The following MGAM variants were observed in gnomAD, a reference collection of about 807,000 sequenced individuals.
The protein encoded by MGAM is alpha-1,4-glucosidase.
A neutral mutation model predicts 358.8 loss-of-function variants in MGAM; 253 were observed. The observed-to-expected ratio is 0.71, with a 90% CI of 0.64 to 0.78. The LOEUF is 0.78. MGAM is among the 30% of genes least tolerant of loss of function. The probability of loss-of-function intolerance (pLI) is 0.00; values close to 1 mark genes in which losing one functional copy is unlikely to be tolerated. For synonymous variants in MGAM, 1,105 were observed against 1,227.1 expected (o/e 0.90, Z 2.08); for missense variants, 3,080 against 3,432.6 (o/e 0.90, Z 2.57).
chr7:142,060,236 A>T (rs1194825531), intron 33 of MGAM, 75 bp from the exon 34 acceptor site: 4 of 1,571,424 alleles, frequency 2.5e-6, no homozygotes, highest in Admixed American at 3.4e-5. Flanking sequence ...CACGGTTTGT[A>T]TAACAATTTA....
At chr7:141,994,751 T>C (rs912820209), upstream of MGAM, among the ~76,000 whole-genome samples, 2 of 152,182 alleles carry the variant, frequency 1.3e-5, no homozygotes, top group African/African-American at 4.8e-5. Context: ...TGAGATCTGA[T>C]GGTTTTGCAA....
chr7:141,990,115 C>T (rs1395804412), intron 2 of MGAM, among the ~76,000 whole-genome samples: 2 of 152,180 alleles, frequency 1.3e-5, no homozygotes, highest in South Asian at 4.1e-4. Flanking sequence ...GCTAGCACTC[C>T]TCTGAGCACT....
At chr7:142,105,260 C>T (rs1816746640) in intron 70 of MGAM, among the ~76,000 whole-genome samples, 1 of 151,816 alleles carries the variant, frequency 6.6e-6, no homozygotes, top group Non-Finnish European at 1.5e-5. Flanking sequence ...CCAGTTTGTG[C>T]AGTTGTTTCT....
At chr7:142,089,770 C>G (rs563387118) in intron 57 of MGAM, among the ~76,000 whole-genome samples, 7 of 145,352 alleles carry the variant, frequency 4.8e-5, no homozygotes, top group Admixed American at 4.2e-4. Flanking sequence ...CTGGGTGACA[C>G]AGCGAGACTC....
At chr7:142,009,152 A>C (rs982850426) in intron 3 of MGAM, among the ~76,000 whole-genome samples, 9 of 152,160 alleles carry the variant, frequency 5.9e-5, no homozygotes, top group Non-Finnish European at 1.2e-4. Context: ...ATCTGCAGTA[A>C]AAATTCACAA....
At chr7:141,991,174 A>T (rs569034550), upstream of MGAM, among the ~76,000 whole-genome samples, 1 of 152,344 alleles carries the variant, frequency 6.6e-6, no homozygotes, top group South Asian at 2.1e-4. Context: ...ACCAGGAGGA[A>T]GTGAAATAAT....
Position 142,078,410 on chromosome 7 carries a change from T to G in MGAM, c.5586T>G (p.Cys1862Trp), listed in dbSNP as rs1813930721. The G allele has an allele frequency of 6.5e-7, 1 of 1,539,284 alleles. No individual in the cohort carries two copies. The highest frequency in any genetic ancestry group is 1.3e-5 in the African/African-American group (1 of 74,354). ...IKIRDEEKIDCYPDENGDSAE... is the reference protein window; with the variant it reads ...IKIRDEEKIDWYPDENGDSAE... ...TAAGGGATGAAGAAAAAATAGACTG[T>G]TACCCTGATGAGAATGGTGATTCTG... The change falls in exon 48 of 71, where the codon TGT (cysteine) becomes TGG (tryptophan). Residue 1862 changes from cysteine to tryptophan, a missense_variant. By Grantham distance (215) the Cys-to-Trp change is radical (BLOSUM62 -2). Around this residue, in one of 5 missense-constraint regions of MGAM, gnomAD observed 932 missense variants for 1,198.2 expected, o/e 0.78. Coordinates refer to ENST00000475668, the MANE Select transcript of MGAM (RefSeq NM_001365693.1).
At position 142,073,868 on chromosome 7, in the gene MGAM, G is replaced by T. The variant is rs550405819; in HGVS notation, c.5187-217G>T. ...TGGTGCTTAAATTCTTGCCTCCAAC[G>T]TAGATGTTATTGTTAATGTTTGGGG... is the stretch of plus-strand genomic sequence containing the variant. On this transcript the variant is annotated intron_variant, in intron 44 of 70. Coordinates refer to ENST00000475668, the MANE Select transcript of MGAM (RefSeq NM_001365693.1). Among the ~76,000 whole-genome samples, 3 of 146,140 alleles carry T rather than the reference G, an allele frequency of 2.1e-5. 1 individual carries two copies. The highest frequency in any genetic ancestry group is 4.6e-5 in the Non-Finnish European group (3 of 64,548).
In MGAM at chr7:142,060,294, C is replaced by T. The variant is rs200931630; in HGVS notation, c.4060-17C>T. Reference sequence around the variant, plus strand: ...AATTGTCTAGTGCATCGCTACTGAACGTATTTCTCTCCATAGGTCTGGCCT... The same window carrying T: ...AATTGTCTAGTGCATCGCTACTGAATGTATTTCTCTCCATAGGTCTGGCCT... On this transcript the variant is annotated splice_polypyrimidine_tract_variant and intron_variant, in intron 33 of 70. Transcript: ENST00000475668. 1.1e-4 allele frequency: 176 copies of T among 1,613,050 alleles called. No homozygotes were observed. The highest frequency in any genetic ancestry group is 1.2e-4 in the Non-Finnish European group (147 of 1,179,008).
At chr7:141,990,763 G>A (rs116083473) in intron 2 of MGAM, among the ~76,000 whole-genome samples, 3,481 of 152,120 alleles carry the variant, frequency 0.023, 140 homozygotes, top group African/African-American at 0.08. Context: ...CATGTGCCAT[G>A]CTGGTGCGCT....
chr7:142,103,429 C>G lies in MGAM; in HGVS notation c.8174C>G (p.Pro2725Arg), dbSNP rs189060335. 6.2e-7 allele frequency: 1 copy of G among 1,603,746 alleles called. No individual in the cohort carries two copies. Among genetic ancestry groups the G allele is most frequent in the Admixed American group, 1.7e-5 (1 of 57,810 alleles). Residue 2725 changes from proline (P) to arginine (R), a missense_variant, in exon 70 of 71, where the codon CCC (proline) becomes CGC (arginine). Around this residue, in one of 5 missense-constraint regions of MGAM, gnomAD observed 194 missense variants for 172.8 expected, o/e 1.12. Coordinates refer to ENST00000475668, the MANE Select transcript of MGAM (RefSeq NM_001365693.1). ...MVITPSFNNDPTTQVLSIDVT... is the reference protein window; with the variant it reads ...MVITPSFNNDRTTQVLSIDVT... ...ATAACACCCTCCTTCAACAATGACC[C>G]CACGACACAGGTTTGTGACCAGCAA...
intron 47 of MGAM, among the ~76,000 whole-genome samples, chr7:142,077,313 T>C (rs1243842779): frequency 6.9e-6 from 1 of 145,538 alleles, no homozygotes; most frequent in African/African-American, 2.4e-5. Context: ...ATGAAGGCTG[T>C]GCTACTGTGT....
At position 142,065,717 on chromosome 7, in the gene MGAM, G is replaced by C; in HGVS notation, c.4656G>C (p.Thr1552=). ...CCTTTTATTTCCTCTTGTTTCAGAC[G>C]GGAGCAGATATCTGTGGGTTCTTTC... ...MEFSLFGISY[T]GADICGFFQD... is the part of the protein sequence containing the mutation. Residue 1552 remains threonine, a splice_region_variant and synonymous_variant, in exon 40 of 71, where the codon ACG becomes ACC. Coordinates refer to ENST00000475668, the MANE Select transcript of MGAM (RefSeq NM_001365693.1). The C allele has an allele frequency of 6.3e-7, 1 of 1,588,736 alleles. No individual in the cohort carries two copies. The highest frequency in any genetic ancestry group is 1.1e-5 in the South Asian group (1 of 90,396).
intron 13 of MGAM, among the ~76,000 whole-genome samples, chr7:142,032,524 T>C (rs1368869683): frequency 6.6e-6 from 1 of 152,158 alleles, no homozygotes; most frequent in African/African-American, 2.4e-5. Context: ...TTTCGATATA[T>C]GGAAAAATGT....
chr7:141,988,051 G>A (rs964450172), intron 2 of MGAM, among the ~76,000 whole-genome samples: 18 of 152,146 alleles, frequency 1.2e-4, no homozygotes, highest in Non-Finnish European at 2.1e-4. Flanking sequence ...ACTTTGGGAG[G>A]CCAAGGTGGG....
intron 2 of MGAM, among the ~76,000 whole-genome samples, chr7:141,988,066 T>A (rs1554446564): frequency 6.6e-6 from 1 of 152,104 alleles, no homozygotes; most frequent in Non-Finnish European, 1.5e-5. Flanking sequence ...GGTGGGTGGA[T>A]CACCTGAGGT....
chr7:142,002,855 A>C (rs1479491592), intron 1 of MGAM, among the ~76,000 whole-genome samples: 3 of 152,092 alleles, frequency 2.0e-5, no homozygotes, highest in African/African-American at 7.2e-5. Context: ...AAAGACTCCT[A>C]GATTTAATAA....
intron 3 of MGAM, among the ~76,000 whole-genome samples, chr7:142,014,871 T>A (rs1393834699): frequency 6.6e-6 from 1 of 152,130 alleles, no homozygotes; most frequent in Non-Finnish European, 1.5e-5. Flanking sequence ...AAAATCATTC[T>A]ACAGTAAAAA....
At chr7:142,095,923 T>C in intron 64 of MGAM, 1 of 762,420 alleles carries the variant, frequency 1.3e-6, no homozygotes, top group Non-Finnish European at 2.1e-6. Context: ...AAAACTGAAA[T>C]GATGCAGTAT....
Sources: allele counts gnomAD v4.1 joint callset (sites outside exome capture counted in the v4.1 genomes callset), GRCh38; gene constraint gnomAD v4.1.1; regional missense constraint gnomAD v4.1.1; transcripts MANE v1.5; gene names NCBI Gene and HGNC (gene_info 2026-07-23, HGNC 2026-07-21).